Variants in DHRSX observed in about 807,000 individuals in gnomAD.
The protein encoded by DHRSX is polyprenol dehydrogenase.
In DHRSX, 31 loss-of-function variants were observed where a neutral mutation model predicts 34.0. The observed-to-expected ratio is 0.91, with a 90% CI of 0.69 to 1.23. The LOEUF is 1.23. Among genes scored for constraint, DHRSX ranks in the 50% most tolerant of loss-of-function variants. The pLI, the probability that DHRSX is intolerant of heterozygous loss-of-function variation, is 0.00. For synonymous variants in DHRSX, 201 were observed against 183.8 expected, an observed-to-expected ratio of 1.09 and a Z score of -0.76; for missense variants, 414 against 428.1, an observed-to-expected ratio of 0.97 and a Z score of 0.29.
chrX:2,425,103 G>A (rs1207486639), intron 2 of DHRSX, 94 bp downstream of exon 2: 8 of 930,324 alleles, frequency 8.6e-6, no homozygotes, highest in African/African-American at 1.7e-5. Context: ...TTGCACCACT[G>A]CAGTCCAGCA....
intron 4 of DHRSX, among the ~76,000 whole-genome samples, chrX:2,274,010 C>A (rs977082944): frequency 1.3e-5 from 2 of 152,032 alleles, no homozygotes; most frequent in Non-Finnish European, 2.9e-5. Context: ...TGAGCTACTG[C>A]GAGTAATTAC....
At chrX:2,447,976 C>T (rs35450178) in intron 1 of DHRSX, among the ~76,000 whole-genome samples, 22,502 of 149,942 alleles carry the variant, frequency 0.15, 1,990 homozygotes, top group African/African-American at 0.23. Flanking sequence ...AGGAGGACCA[C>T]TGAAGGCCAG....
At chrX:2,265,881 C>T (rs1469385310) in intron 5 of DHRSX, among the ~76,000 whole-genome samples, 6 of 137,542 alleles carry the variant, frequency 4.4e-5, no homozygotes, top group Admixed American at 3.6e-4. Context: ...CACCAATGCT[C>T]GGCGGACACA....
intron 3 of DHRSX, among the ~76,000 whole-genome samples, chrX:2,396,613 A>G (rs1368246105): frequency 6.6e-6 from 1 of 151,676 alleles, no homozygotes; most frequent in East Asian, 1.9e-4. Flanking sequence ...CCTGGCCTCA[A>G]GCAATCCACC....
At chrX:2,244,702 TA>T (rs1569478994) in intron 5 of DHRSX, among the ~76,000 whole-genome samples, 9 of 150,670 alleles carry the variant, frequency 6.0e-5, no homozygotes, top group Admixed American at 1.3e-4. Context: ...TATATATTTT[TA>T]AATTTTATTT....
chrX:2,481,076 T>G (rs2044762595), intron 1 of DHRSX, among the ~76,000 whole-genome samples: 1 of 152,148 alleles, frequency 6.6e-6, no homozygotes, highest in South Asian at 2.1e-4. Flanking sequence ...ATTAGCTTGA[T>G]TATTGATATG....
chrX:2,432,108 C>T (rs749891001), intron 1 of DHRSX, among the ~76,000 whole-genome samples: 5 of 152,104 alleles, frequency 3.3e-5, no homozygotes, highest in South Asian at 2.1e-4. Context: ...GCAGGAGGAT[C>T]GCTTGAACCC....
At chrX:2,489,115 T>G in intron 1 of DHRSX, 1 of 1,613,640 alleles carries the variant, frequency 6.2e-7, no homozygotes, top group Non-Finnish European at 8.5e-7. Flanking sequence ...GCGGCGTGGA[T>G]GTCCGCATGA....
intron 3 of DHRSX, among the ~76,000 whole-genome samples, chrX:2,304,339 T>TGATGGATGGATG (rs778314078): frequency 4.5e-4 from 53 of 118,082 alleles, no homozygotes; most frequent in Middle Eastern, 0.011. Flanking sequence ...ATGGATGAAC[T>TGATGGATGGATG]GATGGATGGA....
At chrX:2,298,608 A>ACG (rs2041966411) in intron 3 of DHRSX, among the ~76,000 whole-genome samples, 2 of 60,036 alleles carry the variant, frequency 3.3e-5, no homozygotes, top group Non-Finnish European at 5.2e-5. Context: ...GTGTACACAC[A>ACG]CACACACACA....
intron 6 of DHRSX, among the ~76,000 whole-genome samples, chrX:2,231,658 CTTCTTT>C (rs1569477333): frequency 7.7e-6 from 1 of 129,728 alleles, no homozygotes; most frequent in Non-Finnish European, 1.6e-5. Context: ...TCTGCCTTTT[CTTCTTT>C]TTTTCTTTCT....
Position 2,296,389 on chromosome X carries a change from A to G in DHRSX, c.287-4786T>C, listed in dbSNP as rs138269069. Reference sequence around the variant, plus strand: ...AAAGAGAAAAGAAGAAAAGGGGAGAAAGGTGAAGTGAAAAATATCAGCATG... The same window carrying G: ...AAAGAGAAAAGAAGAAAAGGGGAGAGAGGTGAAGTGAAAAATATCAGCATG... On this transcript the variant is annotated intron_variant, in intron 3 of 6. Transcript: ENST00000334651. 3.1e-3 allele frequency among the ~76,000 whole-genome samples: 471 copies of G among 152,270 alleles called. 3 individuals carry two copies. Among genetic ancestry groups the G allele is most frequent in the African/African-American group, 0.011 (459 of 41,558 alleles).
At chrX:2,421,893 T>C (rs756495725) in intron 2 of DHRSX, among the ~76,000 whole-genome samples, 12 of 152,324 alleles carry the variant, frequency 7.9e-5, no homozygotes, top group Middle Eastern at 6.8e-3. Flanking sequence ...ATTTTTTCCT[T>C]ATACCTTTTA....
chrX:2,423,201 T>G (rs180919430), intron 2 of DHRSX, among the ~76,000 whole-genome samples: 9 of 149,704 alleles, frequency 6.0e-5, no homozygotes, highest in Admixed American at 2.0e-4. Flanking sequence ...TCACGTGAGG[T>G]CAGGAGTTCA....
At position 2,484,204 on chromosome X, in the gene DHRSX, C is replaced by T. The variant is rs183056246; in HGVS notation, c.109+16613G>A. On this transcript the variant is annotated intron_variant, in intron 1 of 6. Coordinates refer to ENST00000334651, the MANE Select transcript of DHRSX (RefSeq NM_145177.3). ...GCCAGGCTGGTCTTGAACTCCTGAC[C>T]TCAGGCGATCCACCCGCCTCGGCCT... 9.0e-4 allele frequency among the ~76,000 whole-genome samples: 137 copies of T among 152,260 alleles called. 1 individual carries two copies. Among genetic ancestry groups the T allele is most frequent in the Non-Finnish European group, 1.7e-3 (115 of 68,020 alleles).
At chrX:2,240,079 A>G (rs2016105822) in intron 6 of DHRSX, among the ~76,000 whole-genome samples, 2 of 151,970 alleles carry the variant, frequency 1.3e-5, no homozygotes, top group South Asian at 4.1e-4. Context: ...GATCACCCGA[A>G]GTCAGGAGTT....
intron 6 of DHRSX, among the ~76,000 whole-genome samples, chrX:2,226,815 A>G (rs2015674895): frequency 6.6e-6 from 1 of 152,028 alleles, no homozygotes; most frequent in Non-Finnish European, 1.5e-5. Context: ...GAAAGAAAAA[A>G]AAGAAAACAC....
intron 1 of DHRSX, among the ~76,000 whole-genome samples, chrX:2,464,592 CA>C (rs1357641918): frequency 6.6e-6 from 1 of 150,898 alleles, no homozygotes; most frequent in East Asian, 2.0e-4. Flanking sequence ...AGAATGCGTC[CA>C]GGGGACAGCT....
chrX:2,440,601 C>T (rs2044050769), intron 1 of DHRSX, among the ~76,000 whole-genome samples: 1 of 151,952 alleles, frequency 6.6e-6, no homozygotes, highest in Non-Finnish European at 1.5e-5. Context: ...GATCTCTAGC[C>T]TTCATCTTTC....
Sources: allele counts gnomAD v4.1 joint callset (sites outside exome capture counted in the v4.1 genomes callset), GRCh38; gene constraint gnomAD v4.1.1; transcripts MANE v1.5; gene names NCBI Gene and HGNC (gene_info 2026-07-23, HGNC 2026-07-21).